Variants in ZNF727 observed in about 807,000 individuals in gnomAD.
The protein encoded by ZNF727 is zinc finger protein 727, also known as putative zinc finger protein 727.
ZNF727 carries 11 observed loss-of-function variants against 11.5 expected under a neutral mutation model. The observed-to-expected ratio is 0.95, with a 90% CI of 0.60 to 1.58. The LOEUF (loss-of-function observed/expected upper bound fraction) is 1.58, where lower values mean the gene tolerates loss of function less well. Ranked by LOEUF, ZNF727 falls within the 40% of genes most tolerant of loss-of-function variation. The pLI is 0.00. For synonymous variants in ZNF727, 171 were observed against 196.1 expected (o/e 0.87, Z 1.07); for missense variants, 533 against 581.7 (o/e 0.92, Z 0.86).
chr7:64,047,122 TG>T (rs1450240711), intron 1 of ZNF727, among the ~76,000 whole-genome samples: 1 of 152,198 alleles, frequency 6.6e-6, no homozygotes, highest in Non-Finnish European at 1.5e-5. Context: ...ACAGGGTCCT[TG>T]GTTTTGTCTG....
Position 64,079,832 on chromosome 7 carries a change from A to G in ZNF727, c.*1283A>G, listed in dbSNP as rs924785997. 9.2e-5 allele frequency among the ~76,000 whole-genome samples: 14 copies of G among 152,150 alleles called. No individual in the cohort carries two copies. Among genetic ancestry groups the G allele is most frequent in the African/African-American group, 3.4e-4 (14 of 41,430 alleles). On this transcript the variant is annotated 3_prime_UTR_variant, in exon 4 of 4. Coordinates refer to ENST00000456806, the MANE Select transcript of ZNF727 (RefSeq NM_001159522.3). ...TCTTATTTAGGGCTTTCTTCAGAAG[A>G]TCTTTTAAGGCAGGTCTTGTGGTAA...
chr7:64,056,854 C>G (rs1789693277), intron 1 of ZNF727, among the ~76,000 whole-genome samples: 1 of 152,000 alleles, frequency 6.6e-6, no homozygotes, highest in African/African-American at 2.4e-5. Flanking sequence ...TATCAGGATT[C>G]CCTTCTTTAG....
intron 1 of ZNF727, among the ~76,000 whole-genome samples, chr7:64,053,248 A>G (rs1334273687): frequency 6.6e-6 from 1 of 152,074 alleles, no homozygotes; most frequent in Admixed American, 6.5e-5. Flanking sequence ...CATGGGAGCA[A>G]GTCTTTCCCA....
At position 64,077,660 on chromosome 7, in the gene ZNF727, A is replaced by T; in HGVS notation, c.611A>T (p.Glu204Val). The T allele has an allele frequency of 6.4e-7, 1 of 1,557,140 alleles. No individual in the cohort carries two copies. Among genetic ancestry groups the T allele is most frequent in the Non-Finnish European group, 8.7e-7 (1 of 1,150,272 alleles). ...GCAGATAGAAGTTACAAATGTGAAGAATGTGGCAAAGCCTGTAAAAAGTTC... is the reference window on the plus strand; with the variant it reads ...GCAGATAGAAGTTACAAATGTGAAGTATGTGGCAAAGCCTGTAAAAAGTTC... Reference protein sequence around the residue: ...HTADRSYKCEECGKACKKFSN... With the variant: ...HTADRSYKCEVCGKACKKFSN... The change falls in exon 4 of 4, where the codon GAA (glutamate) becomes GTA (valine). Residue 204 changes from glutamate to valine, a missense_variant. Coordinates refer to ENST00000456806, the MANE Select transcript of ZNF727 (RefSeq NM_001159522.3).
intron 1 of ZNF727, among the ~76,000 whole-genome samples, 165 bp downstream of exon 1, chr7:64,045,789 A>G (rs1789493069): frequency 6.6e-6 from 1 of 152,112 alleles, no homozygotes. Flanking sequence ...TTAGGAGCTG[A>G]GCCTGCAGCC....
At chr7:64,071,528 TACTA>T (rs1455614180) in intron 3 of ZNF727, among the ~76,000 whole-genome samples, 1 of 152,034 alleles carries the variant, frequency 6.6e-6, no homozygotes, top group Non-Finnish European at 1.5e-5. Context: ...GTGTTTTTGA[TACTA>T]ACCACTTATC....
At chr7:64,047,788 A>C (rs1293683011) in intron 1 of ZNF727, among the ~76,000 whole-genome samples, 1 of 152,258 alleles carries the variant, frequency 6.6e-6, no homozygotes, top group African/African-American at 2.4e-5. Flanking sequence ...TTCTGCAGAC[A>C]CATTGGTGCT....
rs183334465 is a variant in ZNF727, at chr7:64,062,886, G to T, written c.4-6005G>T. Among the ~76,000 whole-genome samples the T allele has an allele frequency of 7.3e-3, 1,090 of 149,956 alleles. 7 individuals are homozygous for T. Among genetic ancestry groups the T allele is most frequent in the Non-Finnish European group, 0.013 (848 of 67,604 alleles). ...TTCTTTCTTCTGCTTGATCAGTTCT[G>T]CTGTTGAGAGACTCTGATGCACTCT... is the stretch of plus-strand genomic sequence containing the variant. On this transcript the variant is annotated intron_variant, in intron 1 of 3. Transcript: ENST00000456806.
chr7:64,076,319 A>C (rs186443534), intron 3 of ZNF727, among the ~76,000 whole-genome samples: 6,321 of 152,052 alleles, frequency 0.042, 304 homozygotes, highest in South Asian at 0.11. Context: ...TTAATTGTAA[A>C]AACTACAAGG....
chr7:64,065,169 A>C (rs1789842889), intron 1 of ZNF727, among the ~76,000 whole-genome samples: 1 of 152,128 alleles, frequency 6.6e-6, no homozygotes, highest in African/African-American at 2.4e-5. Context: ...GCCACATGTG[A>C]GGCTAAGGTG....
At chr7:64,068,320 G>A (rs1444598818) in intron 1 of ZNF727, among the ~76,000 whole-genome samples, 2 of 152,038 alleles carry the variant, frequency 1.3e-5, no homozygotes, top group African/African-American at 4.8e-5. Flanking sequence ...GCTTCCTATG[G>A]AAAGTGAAGG....
At chr7:64,069,704 C>T (rs1789930116) in intron 3 of ZNF727, 95 bp downstream of exon 3, 3 of 983,170 alleles carry the variant, frequency 3.1e-6, no homozygotes, top group Admixed American at 2.7e-5. Flanking sequence ...AAGCTCTGCT[C>T]CAGTGGAAAT....
At chr7:64,056,090 G>A (rs1789681925) in intron 1 of ZNF727, among the ~76,000 whole-genome samples, 1 of 152,038 alleles carries the variant, frequency 6.6e-6, no homozygotes, top group Admixed American at 6.5e-5. Flanking sequence ...CCATTGTCAT[G>A]TGTGTGAAGT....
intron 3 of ZNF727, among the ~76,000 whole-genome samples, chr7:64,074,252 T>C (rs936998508): frequency 1.3e-4 from 20 of 152,294 alleles, no homozygotes; most frequent in African/African-American, 4.6e-4. Context: ...TGTTCTCCAA[T>C]GGAATTGATT....
At chr7:64,053,422 G>A (rs1451747255) in intron 1 of ZNF727, among the ~76,000 whole-genome samples, 1 of 152,156 alleles carries the variant, frequency 6.6e-6, no homozygotes. Context: ...CTGGGTTCAA[G>A]CGATTCTCCT....
At chr7:64,075,001 A>G (rs1194643119) in intron 3 of ZNF727, among the ~76,000 whole-genome samples, 2 of 151,820 alleles carry the variant, frequency 1.3e-5, no homozygotes, top group African/African-American at 2.4e-5. Context: ...CTGTAATTTC[A>G]CAGGTTCTGA....
intron 3 of ZNF727, among the ~76,000 whole-genome samples, chr7:64,070,257 A>C (rs1222879099): frequency 6.6e-6 from 1 of 152,130 alleles, no homozygotes; most frequent in Non-Finnish European, 1.5e-5. Context: ...AAATGTGGCC[A>C]AATTCCTCAA....
intron 1 of ZNF727, among the ~76,000 whole-genome samples, chr7:64,058,816 A>G (rs1163251168): frequency 6.6e-6 from 1 of 152,182 alleles, no homozygotes; most frequent in African/African-American, 2.4e-5. Flanking sequence ...CTGTTTATGG[A>G]TTATACCTAC....
chr7:64,070,907 A>G (rs951813546), intron 3 of ZNF727, among the ~76,000 whole-genome samples: 12 of 152,060 alleles, frequency 7.9e-5, no homozygotes, highest in African/African-American at 2.4e-4. Context: ...TTCACTCGGC[A>G]TAACGTCATC....
Sources: gnomAD v4.1 joint callset for allele counts (sites outside exome capture counted in the v4.1 genomes callset) on GRCh38, gnomAD v4.1.1 for gene constraint, MANE v1.5 for transcripts, NCBI Gene and HGNC (gene_info 2026-07-23, HGNC 2026-07-21) for gene names.